The following CRIPT variants were observed in gnomAD, a reference collection of about 807,000 sequenced individuals.
CRIPT encodes cysteine-rich PDZ-binding protein.
Under a neutral mutation model 16.6 loss-of-function variants are expected in CRIPT, and 20 were observed. The ratio of observed to expected loss-of-function variants is 1.20; its 90% CI spans 0.85 to 1.75. The LOEUF is 1.75. CRIPT is among the 40% of genes most tolerant of loss of function. The probability of loss-of-function intolerance (pLI) is 0.00; values close to 1 mark genes in which losing one functional copy is unlikely to be tolerated. For synonymous variants in CRIPT, 42 were observed against 37.0 expected, an observed-to-expected ratio of 1.14 and a Z score of -0.49; for missense variants, 133 against 115.3, an observed-to-expected ratio of 1.15 and a Z score of -0.70.
chr2:46,619,700 C>A lies in CRIPT; in HGVS notation c.137+19C>A, dbSNP rs371592865. 1.9e-6 allele frequency: 3 copies of A among 1,589,308 alleles called. No individual in the cohort carries two copies. In the African/African-American group the frequency reaches 4.1e-5, roughly 21 times the overall value. ...AAGCAAGGTGGGTAAGAGGATCCAT[C>A]GATGGGTCACATAAATTTCCTTCTT... is the stretch of plus-strand genomic sequence containing the variant. On this transcript the variant is annotated intron_variant, in intron 3 of 4. Transcript: ENST00000238892.
At position 46,622,670 on chromosome 2, in the gene CRIPT, G is replaced by A. The variant is rs1037621313; in HGVS notation, c.138-1094G>A. ...CTCTACTAAAAATACAAAATTAGCCGGGCGTGGTAGCGCATGCCTGTAATC... is the reference window on the plus strand; with the variant it reads ...CTCTACTAAAAATACAAAATTAGCCAGGCGTGGTAGCGCATGCCTGTAATC... On this transcript the variant is annotated intron_variant, in intron 3 of 4. Transcript: ENST00000238892. Among the ~76,000 whole-genome samples the A allele has an allele frequency of 5.9e-5, 9 of 152,062 alleles. No individual in the cohort carries two copies. In the Middle Eastern group the frequency reaches 0.01, roughly 172 times the overall value.
chr2:46,624,795 A>T lies in CRIPT; in HGVS notation c.*568A>T, dbSNP rs938558489. 1 of 152,214 alleles carries T rather than the reference A, an allele frequency of 6.6e-6. No homozygotes were observed. The allele number at this position is 152,214 out of a possible 1,614,324, so 9.4% of individuals were successfully genotyped here. On this transcript the variant is annotated 3_prime_UTR_variant, in exon 5 of 5. Coordinates refer to ENST00000238892, the MANE Select transcript of CRIPT (RefSeq NM_014171.6). ...TATTTGTTCTTGCAGCCAAAGTGCC[A>T]GTTTCTTTAATATGTGACCAAGAAC... is the stretch of plus-strand genomic sequence containing the variant.
In CRIPT at chr2:46,625,940, T is replaced by G. The variant is rs186840904; in HGVS notation, c.*1713T>G. On this transcript the variant is annotated 3_prime_UTR_variant, in exon 5 of 5. Transcript: ENST00000238892. ...TTCATTTTTTTTGTTGTTGTTGTTG[T>G]TTTTATAATTTCAACTTTTATTTTA... Among the ~76,000 whole-genome samples, 1 of 152,282 alleles carries G rather than the reference T, an allele frequency of 6.6e-6. No homozygotes were observed. The highest frequency in any genetic ancestry group is 1.9e-4 in the East Asian group (1 of 5,176).
chr2:46,624,239 G>A lies in CRIPT; in HGVS notation c.*12G>A, dbSNP rs770995457. 5 of 1,530,772 alleles carry A rather than the reference G, an allele frequency of 3.3e-6. No homozygotes were observed. The East Asian group carries it at 1.2e-4, about 36-fold the overall frequency. The allele number at this position is 1,530,772 out of a possible 1,614,324, so 94.8% of individuals were successfully genotyped here. ...AAACATCTGTCTAGATGTATTGATG[G>A]AATTTCTGGCTTTCTAAATGATTTT... On this transcript the variant is annotated 3_prime_UTR_variant, in exon 5 of 5. Coordinates refer to ENST00000238892, the MANE Select transcript of CRIPT (RefSeq NM_014171.6).
chr2:46,625,463 T>C lies in CRIPT; in HGVS notation c.*1236T>C, dbSNP rs1467596348. On this transcript the variant is annotated 3_prime_UTR_variant, in exon 5 of 5. Transcript: ENST00000238892. ...GTTGCCTTCAGAGGTTCAGGACTTCTGCTTTTAAAACCTGCAGCCTACCGT... is the reference window on the plus strand; with the variant it reads ...GTTGCCTTCAGAGGTTCAGGACTTCCGCTTTTAAAACCTGCAGCCTACCGT... 2 of 150,230 alleles carry C rather than the reference T, an allele frequency of 1.3e-5. No individual in the cohort carries two copies. The highest frequency in any genetic ancestry group is 3.0e-5 in the Non-Finnish European group (2 of 67,670). The allele number at this position is 150,230 out of a possible 1,614,324, so 9.3% of individuals were successfully genotyped here.
Position 46,618,694 on chromosome 2 carries a change from A to G in CRIPT, c.17-79A>G, listed in dbSNP as rs1670730573. The G allele has an allele frequency of 2.5e-5, 22 of 884,946 alleles. No homozygotes were observed. In the South Asian group the frequency reaches 3.5e-4, roughly 14 times the overall value. 54.8% of individuals were successfully genotyped at this position (884,946 alleles called of 1,614,324 possible). A position where few individuals can be genotyped will look rare whatever the true frequency, so the allele number is the denominator to read the frequency against. Reference sequence around the variant, plus strand: ...GGTAATACCATTGATAGTCGATACCATTGTGAACCTTAGGCACAATGTAAT... The same window carrying G: ...GGTAATACCATTGATAGTCGATACCGTTGTGAACCTTAGGCACAATGTAAT... On this transcript the variant is annotated intron_variant, in intron 1 of 4. Transcript: ENST00000238892.
In CRIPT at chr2:46,629,142, T is replaced by C. The variant is rs1671012278; in HGVS notation, c.*4915T>C. ...TATCCATGTGGAAAACACAGGAAGC[T>C]AATAGTACTGTTTTTCTCTGGAGTG... On this transcript the variant is annotated 3_prime_UTR_variant, in exon 5 of 5. Transcript: ENST00000238892. 6.6e-6 allele frequency among the ~76,000 whole-genome samples: 1 copy of C among 152,230 alleles called. No homozygotes were observed. Among genetic ancestry groups the C allele is most frequent in the Admixed American group, 6.5e-5 (1 of 15,278 alleles).
In CRIPT at chr2:46,617,301, G is replaced by T. The variant is rs1316320551; in HGVS notation, c.16+3G>T. 7.1e-6 allele frequency: 11 copies of T among 1,555,074 alleles called. No individual in the cohort carries two copies. Among genetic ancestry groups the T allele is most frequent in the Non-Finnish European group, 9.6e-6 (11 of 1,148,424 alleles). Reference sequence around the variant, plus strand: ...GGGAAGGATGGTGTGCGAAAAATGTGAGTTAAGGGGCCGCTTCTGCGGGAG... The same window carrying T: ...GGGAAGGATGGTGTGCGAAAAATGTTAGTTAAGGGGCCGCTTCTGCGGGAG... On this transcript the variant is annotated splice_donor_region_variant and intron_variant, in intron 1 of 4. Transcript: ENST00000238892.
intron 3 of CRIPT, among the ~76,000 whole-genome samples, chr2:46,621,994 C>T (rs1392486818): frequency 6.6e-6 from 1 of 152,192 alleles, no homozygotes; most frequent in Non-Finnish European, 1.5e-5. Context: ...GGAAAATGTA[C>T]TACAGTATTG....
At position 46,617,234 on chromosome 2, in the gene CRIPT, C is replaced by G. The variant is rs909128856; in HGVS notation, c.-49C>G. The G allele has an allele frequency of 4.5e-6, 7 of 1,546,460 alleles. No homozygotes were observed. In the Admixed American group the frequency reaches 9.8e-5, roughly 22 times the overall value. On this transcript the variant is annotated 5_prime_UTR_variant, in exon 1 of 5. Transcript: ENST00000238892. ...CAAGTTGTAGTGTTGTTGTTTTCAG[C>G]CTGCTGCTGCTGCTGCTGTTGCGGC... is the stretch of plus-strand genomic sequence containing the variant.
At chr2:46,618,941 A>G (rs777301811) in intron 2 of CRIPT, 103 bp downstream of exon 2, 24 of 697,910 alleles carry the variant, frequency 3.4e-5, no homozygotes, top group Admixed American at 8.6e-5. Flanking sequence ...TGTTCAAAGT[A>G]TTTTATCTAT....
In CRIPT at chr2:46,626,668, G is replaced by A. The variant is rs1015778977; in HGVS notation, c.*2441G>A. Among the ~76,000 whole-genome samples, 4 of 152,070 alleles carry A rather than the reference G, an allele frequency of 2.6e-5. No homozygotes were observed. The highest frequency in any genetic ancestry group is 9.7e-5 in the African/African-American group (4 of 41,406). ...TTTTTGATAATAGCCATTCTGACTG[G>A]TGTGAGATTGTAACTCATTGTGGTT... On this transcript the variant is annotated 3_prime_UTR_variant, in exon 5 of 5. Transcript: ENST00000238892.
In CRIPT at chr2:46,627,252, A is replaced by G. The variant is rs564297101; in HGVS notation, c.*3025A>G. Among the ~76,000 whole-genome samples, 136 of 152,186 alleles carry G rather than the reference A, an allele frequency of 8.9e-4. No homozygotes were observed. The highest frequency in any genetic ancestry group is 6.0e-4 in the Non-Finnish European group (41 of 67,998). Reference sequence around the variant, plus strand: ...CTCCCATTCTGTAGGTTGTCTGTTTACTGTATTGATAGTTCCTTTTGCGGT... The same window carrying G: ...CTCCCATTCTGTAGGTTGTCTGTTTGCTGTATTGATAGTTCCTTTTGCGGT... On this transcript the variant is annotated 3_prime_UTR_variant, in exon 5 of 5. Transcript: ENST00000238892.
At position 46,627,115 on chromosome 2, in the gene CRIPT, G is replaced by A. The variant is rs939664717; in HGVS notation, c.*2888G>A. Among the ~76,000 whole-genome samples, 2 of 152,230 alleles carry A rather than the reference G, an allele frequency of 1.3e-5. No individual in the cohort carries two copies. Among genetic ancestry groups the A allele is most frequent in the Non-Finnish European group, 2.9e-5 (2 of 68,010 alleles). On this transcript the variant is annotated 3_prime_UTR_variant, in exon 5 of 5. Coordinates refer to ENST00000238892, the MANE Select transcript of CRIPT (RefSeq NM_014171.6). ...CCCAAAGTGCTGGGATTACAGGAGTGAGCCACCACACCTGGCCACGAGTTA... is the reference window on the plus strand; with the variant it reads ...CCCAAAGTGCTGGGATTACAGGAGTAAGCCACCACACCTGGCCACGAGTTA...
Position 46,621,335 on chromosome 2 carries a change from C to T in CRIPT, c.137+1654C>T, listed in dbSNP as rs1415690881. Among the ~76,000 whole-genome samples the T allele has an allele frequency of 3.3e-5, 5 of 152,194 alleles. No homozygotes were observed. The South Asian group carries it at 8.3e-4, about 25-fold the overall frequency. ...CTTTATTAGTTCTGCCAAGCCCACT[C>T]CCATCCAAAGAGATTTGTACTTGCT... is the stretch of plus-strand genomic sequence containing the variant. On this transcript the variant is annotated intron_variant, in intron 3 of 4. Transcript: ENST00000238892.
intron 1 of CRIPT, 104 bp from the exon 2 acceptor site, chr2:46,618,669 G>A (rs749716400): frequency 1.3e-4 from 85 of 639,478 alleles, no homozygotes; most frequent in Middle Eastern, 3.2e-4. Flanking sequence ...AGGCTCCTAC[G>A]GTAATACCAT....
chr2:46,629,462 G>A lies in CRIPT; in HGVS notation c.*5235G>A, dbSNP rs1024904443. On this transcript the variant is annotated 3_prime_UTR_variant, in exon 5 of 5. Transcript: ENST00000238892. ...TATTGGTAATTTTTTTCAGCTCCAC[G>A]ATCCAGCCTAGGATCATATGTTGTA... Among the ~76,000 whole-genome samples, 5 of 152,004 alleles carry A rather than the reference G, an allele frequency of 3.3e-5. No homozygotes were observed. The highest frequency in any genetic ancestry group is 5.9e-5 in the Non-Finnish European group (4 of 68,002).
chr2:46,626,600 C>T lies in CRIPT; in HGVS notation c.*2373C>T, dbSNP rs1670944358. Among the ~76,000 whole-genome samples the T allele has an allele frequency of 6.6e-6, 1 of 152,138 alleles. No individual in the cohort carries two copies. Among genetic ancestry groups the T allele is most frequent in the Non-Finnish European group, 1.5e-5 (1 of 68,026 alleles). ...CTGGCTTCTACAGTGTTGAAGCATT[C>T]CGTTTTTCCCACAGCCTCACCAGCA... On this transcript the variant is annotated 3_prime_UTR_variant, in exon 5 of 5. Transcript: ENST00000238892.
In CRIPT at chr2:46,623,768, G is replaced by T; in HGVS notation, c.142G>T (p.Asp48Tyr). 1 of 1,592,448 alleles carries T rather than the reference G, an allele frequency of 6.3e-7. No homozygotes were observed. The highest frequency in any genetic ancestry group is 8.6e-7 in the Non-Finnish European group (1 of 1,166,212). ...KALTSKKARF[D>Y]PYGKNKFSTC... ...CTCTTTAAAAAAAATTTCTAGATTTGATCCATATGGAAAGAATAAGTTCTC... is the reference window on the plus strand; with the variant it reads ...CTCTTTAAAAAAAATTTCTAGATTTTATCCATATGGAAAGAATAAGTTCTC... Residue 48 changes from aspartate (D) to tyrosine (Y), a missense_variant, in exon 4 of 5, where the codon GAT (aspartate) becomes TAT (tyrosine). Physicochemically the swap from Asp to Tyr is radical, Grantham distance 160. Transcript: ENST00000238892.
Sources: gnomAD v4.1 joint callset for allele counts (sites outside exome capture counted in the v4.1 genomes callset) on GRCh38, gnomAD v4.1.1 for gene constraint, MANE v1.5 for transcripts, NCBI Gene and HGNC (gene_info 2026-07-23, HGNC 2026-07-21) for gene names.